The following IMPG1 variants were observed in gnomAD, a reference collection of about 807,000 sequenced individuals.
The protein encoded by IMPG1 is interphotoreceptor matrix proteoglycan of 150 kDa.
A neutral mutation model predicts 92.0 loss-of-function variants in IMPG1; 85 were observed. The ratio of observed to expected loss-of-function variants is 0.92; its 90% confidence interval spans 0.78 to 1.11. The LOEUF (loss-of-function observed/expected upper bound fraction) is 1.11. IMPG1 is among the 50% of genes least tolerant of loss of function. The pLI is 0.00. For synonymous variants in IMPG1, 367 were observed against 334.1 expected (o/e 1.10, Z -1.08); for missense variants, 1,022 against 956.0 (o/e 1.07, Z -0.91).
intron 7 of IMPG1, among the ~76,000 whole-genome samples, chr6:76,013,752 C>G (rs1783232572): frequency 6.6e-6 from 1 of 152,170 alleles, no homozygotes; most frequent in Admixed American, 6.5e-5. Context: ...TCTTCATTCT[C>G]TAAATTCACT....
chr6:75,925,388 CTA>C (rs376457500), intron 15 of IMPG1, among the ~76,000 whole-genome samples: 59 of 151,328 alleles, frequency 3.9e-4, no homozygotes, highest in African/African-American at 1.3e-3. Flanking sequence ...AGCTATCTTC[CTA>C]TATATATATA....
intron 14 of IMPG1, among the ~76,000 whole-genome samples, chr6:75,944,093 A>C (rs1027767491): frequency 2.0e-5 from 3 of 152,236 alleles, no homozygotes; most frequent in Non-Finnish European, 4.4e-5. Context: ...CCTGATCATC[A>C]GTCCAGTGCC....
At position 76,048,382 on chromosome 6, in the gene IMPG1, A is replaced by G. The variant is rs115666070; in HGVS notation, c.68-6256T>C. Among the ~76,000 whole-genome samples, 1,322 of 152,220 alleles carry G rather than the reference A, an allele frequency of 8.7e-3. 16 individuals carry two copies. The highest frequency in any genetic ancestry group is 0.03 in the African/African-American group (1,236 of 41,528). ...CTCTTAGCTGATGAGTTTGCTTCAC[A>G]TTTTACTGAAAACAAGAGGAGCCAG... On this transcript the variant is annotated intron_variant, in intron 1 of 16. Coordinates refer to ENST00000369950, the MANE Select transcript of IMPG1 (RefSeq NM_001563.4).
intron 4 of IMPG1, among the ~76,000 whole-genome samples, chr6:76,030,837 G>A (rs1429552189): frequency 2.6e-5 from 4 of 152,160 alleles, no homozygotes; most frequent in Non-Finnish European, 5.9e-5. Flanking sequence ...TTTAGAGTGG[G>A]GAATGAGACA....
chr6:76,019,634 G>T (rs1207108122), intron 6 of IMPG1, among the ~76,000 whole-genome samples: 3 of 152,168 alleles, frequency 2.0e-5, no homozygotes, highest in Admixed American at 2.0e-4. Context: ...GGAGGATGTG[G>T]ATTCACATTT....
chr6:75,928,705 A>ATAAC (rs1232147818), intron 15 of IMPG1: 1 of 152,206 alleles, frequency 6.6e-6, no homozygotes, highest in East Asian at 1.9e-4. Context: ...TTCCATTGTT[A>ATAAC]ACTGGAGTGA....
chr6:75,993,715 A>G lies in IMPG1; in HGVS notation c.1291+9203T>C, dbSNP rs115674392. On this transcript the variant is annotated intron_variant, in intron 12 of 16. Transcript: ENST00000369950. ...TCTCAAAAAACGTTCTCAATTTTCC[A>G]CACATGATAACTGAGTGATATATTT... 9.8e-3 allele frequency among the ~76,000 whole-genome samples: 1,488 copies of G among 152,266 alleles called. 16 individuals carry two copies. Among genetic ancestry groups the G allele is most frequent in the African/African-American group, 0.034 (1,416 of 41,546 alleles).
At chr6:75,984,438 T>C (rs1043156452) in intron 12 of IMPG1, among the ~76,000 whole-genome samples, 2 of 152,168 alleles carry the variant, frequency 1.3e-5, no homozygotes, top group African/African-American at 4.8e-5. Context: ...TGAAGGACAT[T>C]ATGTTAAGGG....
chr6:75,999,731 C>T (rs970455308), intron 12 of IMPG1, among the ~76,000 whole-genome samples: 1 of 152,170 alleles, frequency 6.6e-6, no homozygotes, highest in African/African-American at 2.4e-5. Flanking sequence ...GGAATATTTG[C>T]ACTCTAGGTC....
chr6:75,982,565 A>ATCTATCTATC (rs1782645287), intron 12 of IMPG1, among the ~76,000 whole-genome samples: 4 of 78,828 alleles, frequency 5.1e-5, no homozygotes, highest in Admixed American at 1.6e-4. Flanking sequence ...ATCTATCTAT[A>ATCTATCTATC]TATCTATATA....
chr6:75,949,598 A>G (rs1274994253), intron 13 of IMPG1, among the ~76,000 whole-genome samples: 1 of 152,018 alleles, frequency 6.6e-6, no homozygotes, highest in Non-Finnish European at 1.5e-5. Flanking sequence ...TGCACTGTGG[A>G]CTTGCCCTGA....
intron 12 of IMPG1, among the ~76,000 whole-genome samples, chr6:75,989,210 C>T (rs1410521882): frequency 6.6e-6 from 1 of 152,084 alleles, no homozygotes; most frequent in Non-Finnish European, 1.5e-5. Context: ...TGCCTCAGCC[C>T]CCCGAGTAGT....
At position 75,924,647 on chromosome 6, in the gene IMPG1, A is replaced by AT. The variant is rs1388791638; in HGVS notation, c.2244-942_2244-941insA. Among the ~76,000 whole-genome samples the AT allele has an allele frequency of 6.2e-3, 21 of 3,404 alleles. 1 individual carries two copies. Among genetic ancestry groups the AT allele is most frequent in the East Asian group, 0.083 (1 of 12 alleles). 2.2% of individuals were successfully genotyped at this position (3,404 alleles called of 152,430 possible). ...AATAAATTATATATTATATATAATTAATTATATATAATATATAATAAATTA... is the reference window on the plus strand; with the variant it reads ...AATAAATTATATATTATATATAATTATATTATATATAATATATAATAAATTA... On this transcript the variant is annotated intron_variant, in intron 15 of 16. Transcript: ENST00000369950.
At chr6:75,973,713 G>A (rs1343892348) in intron 12 of IMPG1, among the ~76,000 whole-genome samples, 1 of 152,208 alleles carries the variant, frequency 6.6e-6, no homozygotes, top group Admixed American at 6.5e-5. Context: ...ACACTACTGA[G>A]GCTAGGGTGG....
intron 12 of IMPG1, among the ~76,000 whole-genome samples, chr6:75,972,392 C>T (rs1386034988): frequency 1.3e-5 from 2 of 152,100 alleles, no homozygotes; most frequent in Admixed American, 1.3e-4. Context: ...CCACGCCCAC[C>T]CACCCATAAC....
chr6:75,922,112 G>C lies in IMPG1; in HGVS notation c.2371C>G (p.His791Asp). The C allele has an allele frequency of 7.4e-7, 1 of 1,358,588 alleles. No homozygotes were observed. 84.2% of individuals were successfully genotyped at this position (1,358,588 alleles called of 1,614,324 possible). A position where few individuals can be genotyped will look rare whatever the true frequency, so the allele number is the denominator to read the frequency against. Residue 791 changes from histidine (H) to aspartate (D), a missense_variant, in exon 17 of 17, where the codon CAT becomes GAT. Physicochemically the swap from His to Asp is moderately conservative, Grantham distance 81. Coordinates refer to ENST00000369950, the MANE Select transcript of IMPG1 (RefSeq NM_001563.4). ...LLTVEYEEFN[H>D]QDWEGN The stretch of plus-strand genomic sequence containing the variant: ...TTTTAATTTCCTTCCCAATCTTGAT[G>C]GTTAAATTCTTCATATTCTACGGTC...
intron 15 of IMPG1, among the ~76,000 whole-genome samples, chr6:75,925,609 T>A (rs1781536602): frequency 6.6e-6 from 1 of 152,088 alleles, no homozygotes; most frequent in African/African-American, 2.4e-5. Context: ...GGAGGATTGC[T>A]TGAGCCAAGG....
chr6:75,921,376 T>C lies in IMPG1; in HGVS notation c.*713A>G, dbSNP rs567263897. 1 of 152,374 alleles carries C rather than the reference T, an allele frequency of 6.6e-6. No homozygotes were observed. Among genetic ancestry groups the C allele is most frequent in the Non-Finnish European group, 1.5e-5 (1 of 68,042 alleles). 9.4% of individuals were successfully genotyped at this position (152,374 alleles called of 1,614,324 possible). A position where few individuals can be genotyped will look rare whatever the true frequency, so the allele number is the denominator to read the frequency against. ...TATGTCATATAGTACAACTTCGCCC[T>C]TCTCCCAACATAGCATCTTCTTTAA... On this transcript the variant is annotated 3_prime_UTR_variant, in exon 17 of 17. Coordinates refer to ENST00000369950, the MANE Select transcript of IMPG1 (RefSeq NM_001563.4).
intron 12 of IMPG1, among the ~76,000 whole-genome samples, chr6:75,974,343 CTTTCTT>C (rs1336675659): frequency 1.2e-5 from 1 of 86,166 alleles, no homozygotes; most frequent in Non-Finnish European, 2.2e-5. Context: ...TTCTTTCTTT[CTTTCTT>C]TCTTTCTTTC....
Sources: gnomAD v4.1 joint callset for allele counts (sites outside exome capture counted in the v4.1 genomes callset) on GRCh38, gnomAD v4.1.1 for gene constraint, MANE v1.5 for transcripts, NCBI Gene and HGNC (gene_info 2026-07-23, HGNC 2026-07-21) for gene names.